The following CPLANE1 variants were observed in gnomAD, a reference collection of about 807,000 sequenced individuals.
The protein encoded by CPLANE1 is ciliogenesis and planar polarity effector 1.
In CPLANE1, 263 loss-of-function variants were observed where a neutral mutation model predicts 362.5. The observed-to-expected ratio is 0.73, with a 90% CI of 0.66 to 0.80. CPLANE1 has a LOEUF of 0.80. Among genes scored for constraint, CPLANE1 ranks in the 30% least tolerant of loss-of-function variants. CPLANE1 has a pLI of 0.00. For synonymous variants in CPLANE1, 1,212 were observed against 1,302.6 expected, an observed-to-expected ratio of 0.93 and a Z score of 1.50; for missense variants, 3,461 against 3,793.4, an observed-to-expected ratio of 0.91 and a Z score of 2.30.
intron 51 of CPLANE1, among the ~76,000 whole-genome samples, chr5:37,108,756 G>A (rs1399787243): frequency 6.6e-6 from 1 of 152,186 alleles, no homozygotes; most frequent in African/African-American, 2.4e-5. Context: ...CAGAACGGTG[G>A]AGAGGTATTG....
At chr5:37,148,355 T>A in intron 42 of CPLANE1, 87 bp from the exon 43 acceptor site, 2 of 904,870 alleles carry the variant, frequency 2.2e-6, no homozygotes, top group Non-Finnish European at 3.3e-6. Flanking sequence ...TTTAAACACT[T>A]GCATTAATGC....
Position 37,245,488 on chromosome 5 carries a change from C to T in CPLANE1, c.328G>A (p.Ala110Thr). 2 of 1,475,288 alleles carry T rather than the reference C, an allele frequency of 1.4e-6. No homozygotes were observed. The highest frequency in any genetic ancestry group is 1.8e-6 in the Non-Finnish European group (2 of 1,110,852). The allele number at this position is 1,475,288 out of a possible 1,614,324, so 91.4% of individuals were successfully genotyped here. A position where few individuals can be genotyped will look rare whatever the true frequency, so the allele number is the denominator to read the frequency against. ...ATAAAAAAATTCCCACCGACTGTAG[C>T]TTTGATCATTTCCTTAGGCTTTTCA... ...ITEKPKEMIK[A>T]TVASSLRLYL... Residue 110 changes from alanine (A) to threonine (T), a missense_variant, in exon 4 of 53, where the codon GCT (alanine) becomes ACT (threonine). Physicochemically the swap from Ala to Thr is moderately conservative, Grantham distance 58. This residue lies in a region of CPLANE1 where 3,380 missense variants were observed against 3,666.1 expected (regional missense o/e 0.92). Coordinates refer to ENST00000651892, the MANE Select transcript of CPLANE1 (RefSeq NM_001384732.1).
rs895792376 is a variant in CPLANE1, at chr5:37,249,260, G to A, written c.-63C>T. 3 of 152,702 alleles carry A rather than the reference G, an allele frequency of 2.0e-5. No homozygotes were observed. The highest frequency in any genetic ancestry group is 1.3e-4 in the Admixed American group (2 of 15,310). The allele number at this position is 152,702 out of a possible 1,614,324, so 9.5% of individuals were successfully genotyped here. On this transcript the variant is annotated 5_prime_UTR_variant, in exon 1 of 53. Coordinates refer to ENST00000651892, the MANE Select transcript of CPLANE1 (RefSeq NM_001384732.1). ...GGGCAGTTACCTCCGCCAGGGGCAG[G>A]GTCCGGCCAGTCAGGCGCGAGAAGG...
At chr5:37,202,360 G>C (rs1789447968) in intron 18 of CPLANE1, among the ~76,000 whole-genome samples, 1 of 152,076 alleles carries the variant, frequency 6.6e-6, no homozygotes, top group African/African-American at 2.4e-5. Flanking sequence ...GTTTCACCAT[G>C]TTGGTCAGGC....
the CPLANE1 span, among the ~76,000 whole-genome samples, chr5:37,081,128 T>C: frequency 6.6e-6 from 1 of 152,068 alleles, no homozygotes; most frequent in Non-Finnish European, 1.5e-5. Flanking sequence ...AAAACAGAGC[T>C]AGATCCTGTC....
At chr5:37,211,842 T>C in intron 16 of CPLANE1, 1 of 797,018 alleles carries the variant, frequency 1.3e-6, no homozygotes, top group Non-Finnish European at 2.3e-6. Context: ...GGAATTTGAA[T>C]CATCTTTTGA....
Position 37,122,414 on chromosome 5 carries a change from C to T in CPLANE1, c.9017+16G>A, listed in dbSNP as rs1385914712. ...AAGTTAGAGAGAAAACACAGGGTTA[C>T]AGCTACCAAACTCACCTGTCTTTTT... On this transcript the variant is annotated intron_variant, in intron 48 of 52. Coordinates refer to ENST00000651892, the MANE Select transcript of CPLANE1 (RefSeq NM_001384732.1). 2 of 1,608,442 alleles carry T rather than the reference C, an allele frequency of 1.2e-6. No individual in the cohort carries two copies. Among genetic ancestry groups the T allele is most frequent in the Non-Finnish European group, 1.7e-6 (2 of 1,175,562 alleles).
chr5:37,164,209 A>C (rs549615623), intron 37 of CPLANE1, 64 bp downstream of exon 37: 25 of 1,255,718 alleles, frequency 2.0e-5, no homozygotes, highest in African/African-American at 3.0e-5. Flanking sequence ...CATATTGTAC[A>C]TATTTCTAGA....
At chr5:37,211,211 G>A in intron 16 of CPLANE1, 1 of 1,442,916 alleles carries the variant, frequency 6.9e-7, no homozygotes. Context: ...ATGCAGGGAT[G>A]GAGGGTAGTT....
chr5:37,161,031 T>A (rs1776725843), intron 38 of CPLANE1, among the ~76,000 whole-genome samples: 1 of 152,104 alleles, frequency 6.6e-6, no homozygotes, highest in Non-Finnish European at 1.5e-5. Flanking sequence ...TAAATCACAG[T>A]AATAACCAAA....
chr5:37,226,497 T>C lies in CPLANE1; in HGVS notation c.2098A>G (p.Asn700Asp). 6.5e-7 allele frequency: 1 copy of C among 1,549,212 alleles called. No homozygotes were observed. The highest frequency in any genetic ancestry group is 8.7e-7 in the Non-Finnish European group (1 of 1,146,158). Residue 700 changes from asparagine to aspartate, a missense_variant, in exon 12 of 53, where the codon AAT (asparagine) becomes GAT (aspartate). Transcript: ENST00000651892. Reference sequence around the variant, plus strand: ...TCAGGTTGAAGAATGTATACACCATTTAAATTGTCAGCTACCATTTTGAGT... The same window carrying C: ...TCAGGTTGAAGAATGTATACACCATCTAAATTGTCAGCTACCATTTTGAGT... ...YLLKMVADNL[N>D]GVYILQPEVI...
chr5:37,164,418 C>A, intron 36 of CPLANE1, 91 bp from the exon 37 acceptor site: 1 of 893,820 alleles, frequency 1.1e-6, no homozygotes, highest in Non-Finnish European at 1.8e-6. Flanking sequence ...AGATTGAATT[C>A]TCATGTATAA....
chr5:37,214,925 C>A (rs913226174), intron 15 of CPLANE1, among the ~76,000 whole-genome samples: 1 of 152,144 alleles, frequency 6.6e-6, no homozygotes, highest in African/African-American at 2.4e-5. Flanking sequence ...TTGAGACATA[C>A]CATGGATTGA....
At chr5:37,206,448 G>T in intron 16 of CPLANE1, 23 bp from the exon 17 acceptor site, 2 of 1,421,282 alleles carry the variant, frequency 1.4e-6, no homozygotes, top group East Asian at 5.0e-5. Flanking sequence ...TTTTAAAAAT[G>T]GATTATTACA....
intron 51 of CPLANE1, among the ~76,000 whole-genome samples, chr5:37,108,936 C>T (rs891593294): frequency 1.3e-5 from 2 of 152,146 alleles, no homozygotes; most frequent in African/African-American, 4.8e-5. Flanking sequence ...ACATTATGAC[C>T]CTCTTTCTTC....
At position 37,186,298 on chromosome 5, in the gene CPLANE1, AGTGTCTG is replaced by A. The variant is rs751538969; in HGVS notation, c.4170_4176del (p.Arg1391ValfsTer3). On this transcript the variant is annotated frameshift_variant, in exon 24 of 53. Transcript: ENST00000651892. The stretch of plus-strand genomic sequence containing the variant: ...CAACAAATAATACCTTTCACAACAC[AGTGTCTG>A]AGTCTCTGGTGAAGAGAGTGATATT... 1.4e-5 allele frequency: 21 copies of A among 1,497,988 alleles called. No homozygotes were observed. Among genetic ancestry groups the A allele is most frequent in the Non-Finnish European group, 1.9e-5 (20 of 1,075,642 alleles). The allele number at this position is 1,497,988 out of a possible 1,614,324, so 92.8% of individuals were successfully genotyped here. A position where few individuals can be genotyped will look rare whatever the true frequency, so the allele number is the denominator to read the frequency against.
At chr5:37,136,266 A>G (rs960040003) in intron 46 of CPLANE1, among the ~76,000 whole-genome samples, 7 of 152,224 alleles carry the variant, frequency 4.6e-5, no homozygotes, top group Non-Finnish European at 1.5e-5. Flanking sequence ...AGGGGCTATC[A>G]GCCTCATACA....
chr5:37,220,180 C>T (rs924938643), intron 15 of CPLANE1, among the ~76,000 whole-genome samples: 5 of 151,516 alleles, frequency 3.3e-5, no homozygotes, highest in Non-Finnish European at 7.4e-5. Context: ...TGAGCCCAGG[C>T]GCCAGAGGTC....
Position 37,108,263 on chromosome 5 carries a change from T to C in CPLANE1, c.9579+30A>G, listed in dbSNP as rs1758104335. 2.5e-6 allele frequency: 4 copies of C among 1,593,468 alleles called. No individual in the cohort carries two copies. The East Asian group carries it at 8.9e-5, about 36-fold the overall frequency. On this transcript the variant is annotated intron_variant, in intron 52 of 52. Coordinates refer to ENST00000651892, the MANE Select transcript of CPLANE1 (RefSeq NM_001384732.1). ...AACCTGAAGAACATAGAGCAATCAC[T>C]AGACAAACAAAATCTAGAACAATGC...
Sources: gnomAD v4.1 joint callset for allele counts (sites outside exome capture counted in the v4.1 genomes callset) on GRCh38, gnomAD v4.1.1 for gene constraint, gnomAD v4.1.1 regional missense constraint, MANE v1.5 for transcripts, NCBI Gene and HGNC (gene_info 2026-07-23, HGNC 2026-07-21) for gene names.